Variants in HS3ST4 observed in about 807,000 individuals in gnomAD.
HS3ST4 encodes heparan sulfate-glucosamine 3-sulfotransferase 4.
Under a neutral mutation model 29.2 loss-of-function variants are expected in HS3ST4, and 17 were observed. The ratio of observed to expected loss-of-function variants is 0.58; its 90% CI spans 0.40 to 0.87. HS3ST4 has a LOEUF of 0.87. HS3ST4 is among the 40% of genes least tolerant of loss of function. The pLI, the probability that HS3ST4 is intolerant of heterozygous loss-of-function variation, is 0.00. For synonymous variants in HS3ST4, 314 were observed against 285.7 expected (o/e 1.10, Z -1.00); for missense variants, 627 against 634.5 (o/e 0.99, Z 0.13).
At chr16:25,848,287 T>A (rs1168336752) in intron 1 of HS3ST4, among the ~76,000 whole-genome samples, 1 of 151,954 alleles carries the variant, frequency 6.6e-6, no homozygotes, top group Non-Finnish European at 1.5e-5. Flanking sequence ...TACAGGCGTG[T>A]GCCACCACGT....
intron 1 of HS3ST4, among the ~76,000 whole-genome samples, chr16:25,811,348 T>C (rs1232882145): frequency 6.6e-6 from 1 of 152,076 alleles, no homozygotes; most frequent in Non-Finnish European, 1.5e-5. Context: ...ACCTTTCTGA[T>C]TATCCACTTT....
chr16:26,023,010 C>G (rs1969429872), intron 1 of HS3ST4, among the ~76,000 whole-genome samples: 1 of 151,930 alleles, frequency 6.6e-6, no homozygotes, highest in East Asian at 1.9e-4. Context: ...CCATTGCACT[C>G]CAGGTGGGGA....
At chr16:25,833,074 G>A (rs1468260842) in intron 1 of HS3ST4, among the ~76,000 whole-genome samples, 1 of 152,048 alleles carries the variant, frequency 6.6e-6, no homozygotes, top group African/African-American at 2.4e-5. Flanking sequence ...AGCTTCAGTT[G>A]GAGATTTGGT....
intron 1 of HS3ST4, among the ~76,000 whole-genome samples, chr16:25,827,831 A>T (rs916811675): frequency 1.3e-5 from 2 of 152,186 alleles, no homozygotes; most frequent in Non-Finnish European, 2.9e-5. Flanking sequence ...TATTCACAAG[A>T]TGCTTCTGTG....
At chr16:26,085,827 T>C (rs990287186) in intron 1 of HS3ST4, among the ~76,000 whole-genome samples, 6 of 151,644 alleles carry the variant, frequency 4.0e-5, no homozygotes, top group Non-Finnish European at 7.4e-5. Flanking sequence ...TGAGCTATGA[T>C]TGTGCCACTA....
At chr16:25,718,915 T>C (rs953355572) in intron 1 of HS3ST4, among the ~76,000 whole-genome samples, 6 of 152,018 alleles carry the variant, frequency 3.9e-5, no homozygotes, top group Admixed American at 6.6e-5. Flanking sequence ...TTGGAGAATA[T>C]AGAAAGATGA....
chr16:26,045,147 G>T (rs138215945), intron 1 of HS3ST4, among the ~76,000 whole-genome samples: 17 of 152,220 alleles, frequency 1.1e-4, no homozygotes, highest in African/African-American at 3.9e-4. Context: ...CTTGCTCAGG[G>T]TCTACCGTGG....
At chr16:25,740,893 T>G (rs1476456380) in intron 1 of HS3ST4, among the ~76,000 whole-genome samples, 2 of 152,174 alleles carry the variant, frequency 1.3e-5, no homozygotes, top group Non-Finnish European at 2.9e-5. Context: ...TCTTATTTGC[T>G]AAGATCCATG....
Position 25,911,998 on chromosome 16 carries a change from G to C in HS3ST4, c.734+218847G>C, listed in dbSNP as rs1294416279. Among the ~76,000 whole-genome samples, 6 of 152,294 alleles carry C rather than the reference G, an allele frequency of 3.9e-5. No homozygotes were observed. In the South Asian group the frequency reaches 1.2e-3, roughly 32 times the overall value. On this transcript the variant is annotated intron_variant, in intron 1 of 1. Coordinates refer to ENST00000331351, the MANE Select transcript of HS3ST4 (RefSeq NM_006040.3). ...TGGGGTTTGGGTAAAGCAAGATCCA[G>C]CTTTCTTAGAGACCAGAAAGCGTGT...
At chr16:25,722,440 CT>C (rs906283106) in intron 1 of HS3ST4, among the ~76,000 whole-genome samples, 1 of 152,210 alleles carries the variant, frequency 6.6e-6, no homozygotes, top group Non-Finnish European at 1.5e-5. Context: ...CCTCATGTTC[CT>C]TTTCTTTTGT....
intron 1 of HS3ST4, among the ~76,000 whole-genome samples, chr16:25,736,275 T>C (rs946798494): frequency 3.3e-5 from 5 of 152,238 alleles, no homozygotes; most frequent in African/African-American, 1.2e-4. Flanking sequence ...ATCATGTCTC[T>C]GCAGTGTGGC....
chr16:25,811,604 T>G (rs1323816288), intron 1 of HS3ST4, among the ~76,000 whole-genome samples: 2 of 151,820 alleles, frequency 1.3e-5, no homozygotes, highest in African/African-American at 4.8e-5. Flanking sequence ...TGGCTAATTT[T>G]GTATTTTTAG....
chr16:26,131,574 G>A (rs984174159), intron 1 of HS3ST4, among the ~76,000 whole-genome samples: 1 of 152,176 alleles, frequency 6.6e-6, no homozygotes, highest in African/African-American at 2.4e-5. Context: ...GAAGAGAGAA[G>A]AGAAATTGAG....
intron 1 of HS3ST4, among the ~76,000 whole-genome samples, chr16:26,041,673 A>T (rs1393068946): frequency 6.6e-6 from 1 of 152,094 alleles, no homozygotes; most frequent in Non-Finnish European, 1.5e-5. Flanking sequence ...GTCGAGACAT[A>T]GAAAAAAAAA....
At chr16:25,700,379 C>T (rs1426987374) in intron 1 of HS3ST4, among the ~76,000 whole-genome samples, 2 of 152,194 alleles carry the variant, frequency 1.3e-5, no homozygotes, top group African/African-American at 2.4e-5. Flanking sequence ...GTTTGCCTTT[C>T]GTGCTTCTGC....
chr16:25,968,242 C>T (rs966638206), intron 1 of HS3ST4, among the ~76,000 whole-genome samples: 1 of 152,206 alleles, frequency 6.6e-6, no homozygotes, highest in Non-Finnish European at 1.5e-5. Context: ...TGCAGATGGA[C>T]ATCATGCCAG....
At chr16:25,891,850 A>G (rs1310540530) in intron 1 of HS3ST4, among the ~76,000 whole-genome samples, 1 of 152,202 alleles carries the variant, frequency 6.6e-6, no homozygotes, top group Admixed American at 6.5e-5. Context: ...TCACATTGCG[A>G]CTTCACCACT....
intron 1 of HS3ST4, among the ~76,000 whole-genome samples, chr16:26,049,002 AAAT>A (rs1297431774): frequency 2.6e-5 from 4 of 152,270 alleles, no homozygotes; most frequent in East Asian, 1.9e-4. Context: ...AAGCCTTGAG[AAAT>A]AATGATATCT....
intron 1 of HS3ST4, among the ~76,000 whole-genome samples, chr16:26,058,110 C>T (rs1359916493): frequency 6.6e-6 from 1 of 152,186 alleles, no homozygotes; most frequent in African/African-American, 2.4e-5. Context: ...AAAACAGCCC[C>T]ATTAAAGCTT....
Sources: gnomAD v4.1 joint callset for allele counts (sites outside exome capture counted in the v4.1 genomes callset) on GRCh38, gnomAD v4.1.1 for gene constraint, MANE v1.5 for transcripts, NCBI Gene and HGNC (gene_info 2026-07-23, HGNC 2026-07-21) for gene names.